SYNPR: variants seen among roughly 807,000 people sequenced by gnomAD.
The protein encoded by SYNPR is synaptoporin.
In SYNPR, 23 loss-of-function variants were observed where a neutral mutation model predicts 32.9. That is an observed-to-expected ratio of 0.70 (90% CI 0.50 to 0.99). The LOEUF (loss-of-function observed/expected upper bound fraction) is 0.99. Among genes scored for constraint, SYNPR ranks in the 50% least tolerant of loss-of-function variants. The pLI, the probability that SYNPR is intolerant of heterozygous loss-of-function variation, is 0.00. For synonymous variants in SYNPR, 146 were observed against 135.9 expected (o/e 1.07, Z -0.52); for missense variants, 318 against 349.3 (o/e 0.91, Z 0.71).
intron 2 of SYNPR, among the ~76,000 whole-genome samples, chr3:63,332,234 C>T (rs1453644514): frequency 6.6e-6 from 1 of 152,204 alleles, no homozygotes; most frequent in Non-Finnish European, 1.5e-5. Flanking sequence ...CCCCTCTTTA[C>T]TCCCTACCCT....
intron 3 of SYNPR, among the ~76,000 whole-genome samples, chr3:63,493,758 G>A (rs1701301842): frequency 7.0e-6 from 1 of 142,784 alleles, no homozygotes; most frequent in Non-Finnish European, 1.5e-5. Flanking sequence ...GGAGGTTGCA[G>A]TGAGCCAAGA....
At chr3:63,262,380 A>T (rs552522924) in intron 2 of SYNPR, among the ~76,000 whole-genome samples, 1 of 152,146 alleles carries the variant, frequency 6.6e-6, no homozygotes, top group Non-Finnish European at 1.5e-5. Context: ...CTGAGGCCCA[A>T]TGTGCTTGGG....
At chr3:63,378,727 G>GGTATATA (rs1404073220) in intron 2 of SYNPR, among the ~76,000 whole-genome samples, 4 of 151,796 alleles carry the variant, frequency 2.6e-5, no homozygotes, top group Non-Finnish European at 5.9e-5. Flanking sequence ...TATATACCCT[G>GGTATATA]TCTCATTTCT....
At chr3:63,416,531 TAAAAAAA>T (rs60383627) in intron 2 of SYNPR, among the ~76,000 whole-genome samples, 2 of 105,308 alleles carry the variant, frequency 1.9e-5, no homozygotes, top group Admixed American at 1.1e-4. Context: ...GACTCTGTCT[TAAAAAAA>T]AAAAAAAAAA....
At chr3:63,269,636 C>T (rs576283589) in intron 3 of SYNPR, among the ~76,000 whole-genome samples, 1 of 152,298 alleles carries the variant, frequency 6.6e-6, no homozygotes, top group African/African-American at 2.4e-5. Flanking sequence ...AGAAACACTG[C>T]TAGGTAAGCC....
At chr3:63,294,774 A>T (rs1270166848) in intron 2 of SYNPR, among the ~76,000 whole-genome samples, 1 of 152,140 alleles carries the variant, frequency 6.6e-6, no homozygotes, top group African/African-American at 2.4e-5. Flanking sequence ...TGTCTTATTT[A>T]TATTATTTAT....
chr3:63,202,713 C>T, the SYNPR span, among the ~76,000 whole-genome samples: 1 of 152,122 alleles, frequency 6.6e-6, no homozygotes, highest in East Asian at 1.9e-4. Flanking sequence ...TAATCAAACA[C>T]ATTTGAGCAT....
At chr3:63,477,148 G>A (rs1054003496) in intron 2 of SYNPR, among the ~76,000 whole-genome samples, 18 of 152,144 alleles carry the variant, frequency 1.2e-4, no homozygotes, top group Admixed American at 7.2e-4. Flanking sequence ...AGGGGAATCA[G>A]TGGGAAGATT....
intron 2 of SYNPR, among the ~76,000 whole-genome samples, chr3:63,293,118 T>C (rs2086756794): frequency 6.6e-6 from 1 of 152,218 alleles, no homozygotes; most frequent in Admixed American, 6.5e-5. Flanking sequence ...TCTTGCTACA[T>C]GCCAGGCTGT....
chr3:63,408,178 GAAAGAAAGAAAGAAAGAGGA>G lies in SYNPR; in HGVS notation c.85-72652_85-72633del, dbSNP rs1425781961. ...AGAAAGAAAGAAAGAAAGAAAGAAA[GAAAGAAAGAAAGAAAGAGGA>G]AGGAAGGAAGGAAGGAAGGAAGGAA... On this transcript the variant is annotated intron_variant, in intron 2 of 5. Transcript: ENST00000478300. Among the ~76,000 whole-genome samples the G allele has an allele frequency of 1.9e-4, 22 of 113,716 alleles. 1 individual carries two copies. The highest frequency in any genetic ancestry group is 5.8e-4 in the African/African-American group (15 of 25,978). 74.6% of individuals were successfully genotyped at this position (113,716 alleles called of 152,430 possible).
intron 2 of SYNPR, among the ~76,000 whole-genome samples, chr3:63,295,534 C>A (rs2086785154): frequency 6.6e-6 from 1 of 152,176 alleles, no homozygotes; most frequent in South Asian, 2.1e-4. Flanking sequence ...AGAGCCAGTA[C>A]TTGGCAGGGC....
chr3:63,271,170 C>A (rs1178984275), intron 3 of SYNPR, among the ~76,000 whole-genome samples: 3 of 152,020 alleles, frequency 2.0e-5, no homozygotes, highest in Non-Finnish European at 4.4e-5. Flanking sequence ...TGTAAAACTG[C>A]AGTGCAATAT....
At chr3:63,550,200 A>G (rs1702476538) in intron 3 of SYNPR, 1 of 151,492 alleles carries the variant, frequency 6.6e-6, no homozygotes, top group South Asian at 2.1e-4. Flanking sequence ...ATACATATAT[A>G]TAATTGTTGC....
chr3:63,595,981 A>ATATATATAGTTT (rs1699953850), intron 4 of SYNPR, among the ~76,000 whole-genome samples: 2 of 121,942 alleles, frequency 1.6e-5, no homozygotes, highest in South Asian at 2.8e-4. Context: ...ATAGTTTTAT[A>ATATATATAGTTT]TATATATAGT....
intron 2 of SYNPR, among the ~76,000 whole-genome samples, chr3:63,344,888 T>A (rs912545106): frequency 6.6e-6 from 1 of 152,120 alleles, no homozygotes; most frequent in African/African-American, 2.4e-5. Flanking sequence ...ATCAAAGCTA[T>A]CTTCTTGAGC....
rs548888544 is a variant in SYNPR, at chr3:63,601,401, A to G, written c.409-7724A>G. Among the ~76,000 whole-genome samples the G allele has an allele frequency of 1.3e-3, 195 of 152,280 alleles. 1 individual carries two copies. Among genetic ancestry groups the G allele is most frequent in the Non-Finnish European group, 2.1e-3 (146 of 68,020 alleles). ...AGGTACATGTGCAGATTCATCGTAT[A>G]GGTAAATTGCATGTCACGGGGGCTT... On this transcript the variant is annotated intron_variant, in intron 4 of 5. Transcript: ENST00000478300.
intron 3 of SYNPR, among the ~76,000 whole-genome samples, chr3:63,527,737 C>CA (rs1702040615): frequency 6.6e-6 from 1 of 152,124 alleles, no homozygotes; most frequent in Admixed American, 6.5e-5. Flanking sequence ...TTAAGCCCAG[C>CA]AACCCCCTGA....
chr3:63,474,497 A>T (rs1451843627), intron 2 of SYNPR, among the ~76,000 whole-genome samples: 1 of 152,152 alleles, frequency 6.6e-6, no homozygotes, highest in Non-Finnish European at 1.5e-5. Flanking sequence ...GAATCAACAA[A>T]ACAAGCCCAA....
At position 63,474,084 on chromosome 3, in the gene SYNPR, G is replaced by A. The variant is rs149722839; in HGVS notation, c.85-6748G>A. Among the ~76,000 whole-genome samples, 648 of 152,306 alleles carry A rather than the reference G, an allele frequency of 4.3e-3. 5 individuals carry two copies. The highest frequency in any genetic ancestry group is 0.015 in the African/African-American group (611 of 41,554). ...AGGAAGGAAAGCCAGCCAACGATGT[G>A]TGGTGAGCAGGTTGCTTCTGTGGGA... On this transcript the variant is annotated intron_variant, in intron 2 of 5. Transcript: ENST00000478300.
Sources: gnomAD v4.1 joint callset for allele counts (sites outside exome capture counted in the v4.1 genomes callset) on GRCh38, gnomAD v4.1.1 for gene constraint, MANE v1.5 for transcripts, NCBI Gene and HGNC (gene_info 2026-07-23, HGNC 2026-07-21) for gene names.